The following LDB2 variants were observed in gnomAD, a reference collection of about 807,000 sequenced individuals.
LDB2 encodes LIM domain binding 2.
In LDB2, 12 loss-of-function variants were observed where a neutral mutation model predicts 44.3. The observed-to-expected ratio is 0.27, with a 90% CI of 0.17 to 0.44. The LOEUF is 0.44. LDB2 is among the 20% of genes least tolerant of loss of function. The probability of loss-of-function intolerance (pLI) is 1.00; values close to 1 mark genes in which losing one functional copy is unlikely to be tolerated. For missense variants in LDB2, 344 were observed against 473.5 expected, an observed-to-expected ratio of 0.73 and a Z score of 2.54; for synonymous variants, 164 against 174.8, an observed-to-expected ratio of 0.94 and a Z score of 0.49.
chr4:16,750,399 G>A (rs771638811), intron 2 of LDB2, among the ~76,000 whole-genome samples: 3 of 152,184 alleles, frequency 2.0e-5, no homozygotes, highest in African/African-American at 4.8e-5. Flanking sequence ...CACAGTCAAC[G>A]GTAGAAGGCC....
At chr4:16,832,064 T>A (rs1784161325) in intron 1 of LDB2, among the ~76,000 whole-genome samples, 1 of 152,224 alleles carries the variant, frequency 6.6e-6, no homozygotes, top group South Asian at 2.1e-4. Flanking sequence ...AACTTTAATT[T>A]GTTTAAAACT....
intron 1 of LDB2, among the ~76,000 whole-genome samples, chr4:16,763,439 T>TACACAC (rs56114847): frequency 0.14 from 19,343 of 141,002 alleles, 1,506 homozygotes; most frequent in Non-Finnish European, 0.17. Context: ...TGTAAACACG[T>TACACAC]ACACACACAC....
intron 1 of LDB2, among the ~76,000 whole-genome samples, chr4:16,773,455 C>G (rs1472002626): frequency 6.6e-6 from 1 of 152,142 alleles, no homozygotes; most frequent in Admixed American, 6.5e-5. Flanking sequence ...TGGGAGACAG[C>G]GACGGATCAT....
chr4:16,674,286 C>A, intron 2 of LDB2: 1 of 1,288,464 alleles, frequency 7.8e-7, no homozygotes, highest in Non-Finnish European at 1.0e-6. Flanking sequence ...GAGCTGGTTG[C>A]AGTTTCCTCT....
chr4:16,757,467 C>A (rs1038357022), intron 2 of LDB2, among the ~76,000 whole-genome samples: 1 of 152,102 alleles, frequency 6.6e-6, no homozygotes, highest in African/African-American at 2.4e-5. Flanking sequence ...CCAAATGATG[C>A]TGGGGTGGGA....
chr4:16,598,734 G>C (rs1313759710), intron 2 of LDB2, among the ~76,000 whole-genome samples: 3 of 152,084 alleles, frequency 2.0e-5, no homozygotes, highest in Admixed American at 1.3e-4. Context: ...ATAGGAGCCT[G>C]AATACAGAAG....
chr4:16,505,804 ATCT>A (rs1290567684), intron 7 of LDB2: 46 of 1,505,494 alleles, frequency 3.1e-5, no homozygotes, highest in Non-Finnish European at 4.0e-5. Context: ...CCCATTTCAC[ATCT>A]TCTCACTAAT....
chr4:16,584,264 T>C (rs536166343), intron 5 of LDB2, among the ~76,000 whole-genome samples: 13 of 152,258 alleles, frequency 8.5e-5, no homozygotes, highest in Admixed American at 3.9e-4. Context: ...AAGGAGCTGA[T>C]ATTATTTTTG....
At chr4:16,654,575 G>T (rs1305098284) in intron 2 of LDB2, among the ~76,000 whole-genome samples, 2 of 152,194 alleles carry the variant, frequency 1.3e-5, no homozygotes, top group Non-Finnish European at 2.9e-5. Flanking sequence ...GGACTCAAAG[G>T]AAGCCCTGGT....
rs71181175 is a variant in LDB2, at chr4:16,570,462, C to CA, written c.615+15459dup. 6.1e-3 allele frequency among the ~76,000 whole-genome samples: 102 copies of CA among 16,606 alleles called. 39 individuals are homozygous for CA. Among genetic ancestry groups the CA allele is most frequent in the Non-Finnish European group, 0.012 (68 of 5,758 alleles). 10.9% of individuals were successfully genotyped at this position (16,606 alleles called of 152,430 possible). On this transcript the variant is annotated intron_variant, in intron 5 of 7. Transcript: ENST00000304523. ...TGGGAGACAGAGCAAGACTCTGTCT[C>CA]AAAAAAAAAAAAAAAAAAAAAAAAA...
In LDB2 at chr4:16,582,011, AAGGAAG is replaced by A. The variant is rs1423097549; in HGVS notation, c.615+3905_615+3910del. On this transcript the variant is annotated intron_variant, in intron 5 of 7. Coordinates refer to ENST00000304523, the MANE Select transcript of LDB2 (RefSeq NM_001290.5). The surrounding 1 kb of genome is among the most constrained non-coding windows in gnomAD (Gnocchi z 4.8). Reference sequence around the variant, plus strand: ...AGGAAGGGAAGGAAGGGAAGGAAGGAAGGAAGGAAGGAAGGAAGGAAGGAAGGAAGG... The same window carrying A: ...AGGAAGGGAAGGAAGGGAAGGAAGGAGAAGGAAGGAAGGAAGGAAGGAAGG... Among the ~76,000 whole-genome samples, 7 of 132,824 alleles carry A rather than the reference AAGGAAG, an allele frequency of 5.3e-5. No homozygotes were observed. In the East Asian group the frequency reaches 8.6e-4, roughly 16 times the overall value. 87.1% of individuals were successfully genotyped at this position (132,824 alleles called of 152,430 possible). A position where few individuals can be genotyped will look rare whatever the true frequency, so the allele number is the denominator to read the frequency against.
At chr4:16,850,947 A>ATGTGTGTGTGT (rs71649986) in intron 1 of LDB2, among the ~76,000 whole-genome samples, 8 of 143,072 alleles carry the variant, frequency 5.6e-5, no homozygotes, top group African/African-American at 2.1e-4. Flanking sequence ...TAAAACCATA[A>ATGTGTGTGTGT]GTGTGTGTGT....
chr4:16,675,137 T>A (rs916389342), intron 2 of LDB2, among the ~76,000 whole-genome samples: 1 of 152,184 alleles, frequency 6.6e-6, no homozygotes, highest in Admixed American at 6.5e-5. Context: ...CAAGAAATGG[T>A]GCAGAAGGGT....
chr4:16,665,598 C>A (rs895491940), intron 2 of LDB2, among the ~76,000 whole-genome samples: 2 of 152,126 alleles, frequency 1.3e-5, no homozygotes, highest in Non-Finnish European at 2.9e-5. Flanking sequence ...AAATTGAGAC[C>A]TTGTTGGTAA....
At chr4:16,588,612 G>T in intron 4 of LDB2, 98 bp downstream of exon 4, 1 of 1,273,522 alleles carries the variant, frequency 7.9e-7, no homozygotes, top group Non-Finnish European at 1.1e-6. Context: ...GACAACTACT[G>T]GAATTCTTTC....
At chr4:16,723,411 A>G (rs1023361112) in intron 2 of LDB2, among the ~76,000 whole-genome samples, 2 of 152,118 alleles carry the variant, frequency 1.3e-5, no homozygotes, top group Admixed American at 1.3e-4. Flanking sequence ...CCAGGATAAG[A>G]GACCCACTCT....
chr4:16,878,862 G>A (rs563548356), intron 1 of LDB2, among the ~76,000 whole-genome samples: 1 of 152,294 alleles, frequency 6.6e-6, no homozygotes, highest in South Asian at 2.1e-4. Context: ...TTCCTCAAAG[G>A]AGCCTTCCCT....
intron 1 of LDB2, among the ~76,000 whole-genome samples, chr4:16,785,906 C>T (rs1056252418): frequency 6.6e-6 from 1 of 152,110 alleles, no homozygotes; most frequent in African/African-American, 2.4e-5. Context: ...GCTTCATTTT[C>T]CTCCTTAAGT....
chr4:16,582,838 G>A lies in LDB2; in HGVS notation c.615+3084C>T, dbSNP rs531011763. Reference sequence around the variant, plus strand: ...TGGGACCACCAAGTCAGCCATCATCGTACCTCTTAGCTCGGGGCACCTCTA... The same window carrying A: ...TGGGACCACCAAGTCAGCCATCATCATACCTCTTAGCTCGGGGCACCTCTA... On this transcript the variant is annotated intron_variant, in intron 5 of 7. Coordinates refer to ENST00000304523, the MANE Select transcript of LDB2 (RefSeq NM_001290.5). This position sits in a 1 kb window ranked among gnomAD's most constrained non-coding sequence, Gnocchi z 4.8. Among the ~76,000 whole-genome samples the A allele has an allele frequency of 5.9e-5, 9 of 152,258 alleles. No individual in the cohort carries two copies. The highest frequency in any genetic ancestry group is 2.2e-4 in the African/African-American group (9 of 41,562).
Sources: allele counts gnomAD v4.1 joint callset (sites outside exome capture counted in the v4.1 genomes callset), GRCh38; gene constraint gnomAD v4.1.1; non-coding constraint Gnocchi (gnomAD v3.1); transcripts MANE v1.5; gene names NCBI Gene and HGNC (gene_info 2026-07-23, HGNC 2026-07-21).